GCKR: variants seen among roughly 807,000 people sequenced by gnomAD.
The protein encoded by GCKR is glucokinase regulatory protein.
GCKR carries 73 observed loss-of-function variants against 82.9 expected under a neutral mutation model. That is an observed-to-expected ratio of 0.88 (90% CI 0.73 to 1.07). GCKR has a LOEUF of 1.07. Ranked by LOEUF, GCKR falls within the 50% of genes least tolerant of loss-of-function variation. The probability of loss-of-function intolerance (pLI) is 0.00; values close to 1 mark genes in which losing one functional copy is unlikely to be tolerated. For missense variants in GCKR, 784 were observed against 782.1 expected, an observed-to-expected ratio of 1.00 and a Z score of -0.03; for synonymous variants, 294 against 291.8, an observed-to-expected ratio of 1.01 and a Z score of -0.08.
intron 17 of GCKR, 147 bp from the exon 18 acceptor site, chr2:27,522,313 T>C: frequency 1.3e-6 from 1 of 787,812 alleles, no homozygotes; most frequent in Admixed American, 2.1e-5. Context: ...AATTTAGGAT[T>C]GCCAACATGG....
At chr2:27,515,745 G>GTA (rs528066615) in intron 16 of GCKR, among the ~76,000 whole-genome samples, 3,221 of 129,262 alleles carry the variant, frequency 0.025, 63 homozygotes, top group Non-Finnish European at 0.028. Flanking sequence ...CCAATTGTTC[G>GTA]TATATATATA....
chr2:27,499,471 A>C, intron 7 of GCKR, 21 bp downstream of exon 7: 1 of 1,525,644 alleles, frequency 6.6e-7, no homozygotes. Context: ...AGATGGGTTG[A>C]GTGGATCAAT....
At chr2:27,513,909 T>TTGTGTGTGTGTG (rs57848910) in intron 16 of GCKR, among the ~76,000 whole-genome samples, 3 of 144,676 alleles carry the variant, frequency 2.1e-5, no homozygotes, top group African/African-American at 7.6e-5. Context: ...TTATTTGCAT[T>TTGTGTGTGTGTG]TGTGTGTGTG....
chr2:27,510,585 G>T (rs4425043), intron 16 of GCKR, among the ~76,000 whole-genome samples: 1 of 151,884 alleles, frequency 6.6e-6, no homozygotes, highest in Non-Finnish European at 1.5e-5. Flanking sequence ...TAAATAAAGC[G>T]TGAAGTTGCT....
intron 1 of GCKR, 31 bp from the exon 2 acceptor site, chr2:27,497,213 C>T (rs1212487703): frequency 6.2e-7 from 1 of 1,614,054 alleles, no homozygotes. Flanking sequence ...CTTTGGCTTC[C>T]TGCTCCATCC....
At chr2:27,520,679 G>GT (rs1670129237) in intron 17 of GCKR, among the ~76,000 whole-genome samples, 2 of 152,186 alleles carry the variant, frequency 1.3e-5, no homozygotes, top group South Asian at 4.1e-4. Flanking sequence ...TAAATTAAAT[G>GT]TAACTTTAAT....
intron 7 of GCKR, 43 bp downstream of exon 7, chr2:27,499,493 G>T: frequency 8.0e-7 from 1 of 1,255,236 alleles, no homozygotes. Flanking sequence ...TTAGAGAGAG[G>T]AAGTGAGTGG....
intron 5 of GCKR, 48 bp from the exon 6 acceptor site, chr2:27,499,094 G>A: frequency 1.8e-6 from 2 of 1,111,996 alleles, no homozygotes; most frequent in Non-Finnish European, 2.8e-6. Context: ...TACGCCATAG[G>A]CTTCTGCTTT....
chr2:27,522,043 G>A (rs1051491303), intron 17 of GCKR, among the ~76,000 whole-genome samples: 7 of 152,252 alleles, frequency 4.6e-5, no homozygotes, highest in Non-Finnish European at 1.0e-4. Flanking sequence ...ATTTCTACTG[G>A]ACAATGCTGA....
At chr2:27,498,228 G>C in intron 3 of GCKR, 27 bp from the exon 4 acceptor site, 1 of 1,569,782 alleles carries the variant, frequency 6.4e-7, no homozygotes, top group Non-Finnish European at 8.8e-7. Context: ...CCAGGCCCTG[G>C]TAATATATGC....
At chr2:27,510,694 T>A (rs755046294) in intron 16 of GCKR, among the ~76,000 whole-genome samples, 7 of 152,328 alleles carry the variant, frequency 4.6e-5, no homozygotes, top group Non-Finnish European at 1.0e-4. Flanking sequence ...TTATTTTAAT[T>A]TATATTTCTT....
Position 27,506,910 on chromosome 2 carries a change from T to C in GCKR, c.1066+25T>C, listed in dbSNP as rs1333684641. 2.2e-6 allele frequency: 3 copies of C among 1,374,892 alleles called. No individual in the cohort carries two copies. The African/African-American group carries it at 4.3e-5, about 20-fold the overall frequency. 85.2% of individuals were successfully genotyped at this position (1,374,892 alleles called of 1,614,324 possible). A position where few individuals can be genotyped will look rare whatever the true frequency, so the allele number is the denominator to read the frequency against. On this transcript the variant is annotated intron_variant, in intron 12 of 18. Coordinates refer to ENST00000264717, the MANE Select transcript of GCKR (RefSeq NM_001486.4). ...GGTGGGACCCCAGTCCAGATGTTCT[T>C]CCTGCTTCCTCCTGATCCCAACCAT...
intron 5 of GCKR, 81 bp from the exon 6 acceptor site, chr2:27,499,061 T>C: frequency 1.2e-6 from 1 of 845,152 alleles, no homozygotes; most frequent in Non-Finnish European, 2.1e-6. Flanking sequence ...TTTATGCGCA[T>C]CTCTTAATGT....
Position 27,518,887 on chromosome 2 carries a change from C to T in GCKR, c.1522C>T (p.Leu508Phe), listed in dbSNP as rs577522116. The change falls in exon 17 of 19, where the codon CTT becomes TTT. Residue 508 changes from leucine to phenylalanine, a missense_variant. By Grantham distance (22) the Leu-to-Phe change is conservative. Coordinates refer to ENST00000264717, the MANE Select transcript of GCKR (RefSeq NM_001486.4). Reference sequence around the variant, plus strand: ...GATCCTACAAAACCACATGTTGGACCTTCGGATTAGCAACTCCAAGCTCTT... The same window carrying T: ...GATCCTACAAAACCACATGTTGGACTTTCGGATTAGCAACTCCAAGCTCTT... ...GKILQNHMLDLRISNSKLFWR... is the reference protein window; with the variant it reads ...GKILQNHMLDFRISNSKLFWR... The T allele has an allele frequency of 1.3e-6, 2 of 1,599,004 alleles. No individual in the cohort carries two copies. The highest frequency in any genetic ancestry group is 1.7e-5 in the Admixed American group (1 of 59,462).
chr2:27,503,095 G>C (rs1669625661), intron 8 of GCKR, among the ~76,000 whole-genome samples: 1 of 152,266 alleles, frequency 6.6e-6, no homozygotes. Flanking sequence ...GGGATTTCCA[G>C]AATGTATTCC....
intron 15 of GCKR, 32 bp downstream of exon 15, chr2:27,508,106 G>C (rs1361700284): frequency 6.3e-7 from 1 of 1,590,394 alleles, no homozygotes; most frequent in East Asian, 2.2e-5. Flanking sequence ...AGGGACCCAG[G>C]TGGCAGTTGC....
rs761120143 is a variant in GCKR, at chr2:27,523,438, G to T, written c.1877G>T (p.Ter626LeuextTer44). 1.2e-6 allele frequency: 2 copies of T among 1,605,276 alleles called. No individual in the cohort carries two copies. Among genetic ancestry groups the T allele is most frequent in the Non-Finnish European group, 8.5e-7 (1 of 1,179,960 alleles). The change falls in exon 19 of 19, where the codon TGA becomes TTA. Residue 626 changes from the stop codon to leucine (L), a stop_lost. Coordinates refer to ENST00000264717, the MANE Select transcript of GCKR (RefSeq NM_001486.4). ...PLEILEPDVQ[*>L] ...GAGATCCTAGAGCCTGACGTTCAGT[G>T]AACCCATGTTTCTGGGTGGGTGAAA...
At chr2:27,502,641 T>A (rs982984276) in intron 8 of GCKR, among the ~76,000 whole-genome samples, 1 of 152,124 alleles carries the variant, frequency 6.6e-6, no homozygotes, top group Non-Finnish European at 1.5e-5. Flanking sequence ...TCAGAAATAG[T>A]TTGAGGAAGA....
intron 17 of GCKR, among the ~76,000 whole-genome samples, chr2:27,520,318 T>G (rs1292340815): frequency 1.3e-5 from 2 of 152,120 alleles, no homozygotes; most frequent in African/African-American, 4.8e-5. Flanking sequence ...GGTGGTATTT[T>G]GAGCTAGGCC....
Sources: gnomAD v4.1 joint callset for allele counts (sites outside exome capture counted in the v4.1 genomes callset) on GRCh38, gnomAD v4.1.1 for gene constraint, MANE v1.5 for transcripts, NCBI Gene and HGNC (gene_info 2026-07-23, HGNC 2026-07-21) for gene names.